ADRA1B: variants seen among roughly 807,000 people sequenced by gnomAD.
ADRA1B encodes adrenoceptor alpha 1B.
Under a neutral mutation model 17.9 loss-of-function variants are expected in ADRA1B, and 17 were observed. The ratio of observed to expected loss-of-function variants is 0.95; its 90% CI spans 0.65 to 1.42. The LOEUF is 1.42. Ranked by LOEUF, ADRA1B falls within the 40% of genes most tolerant of loss-of-function variation. The pLI is 0.00. For synonymous variants in ADRA1B, 366 were observed against 327.6 expected (o/e 1.12, Z -1.27); for missense variants, 681 against 722.1 (o/e 0.94, Z 0.65).
At chr5:159,877,731 T>C (rs964388277) in intron 1 of ADRA1B, among the ~76,000 whole-genome samples, 2 of 152,164 alleles carry the variant, frequency 1.3e-5, no homozygotes, top group South Asian at 2.1e-4. Flanking sequence ...AACCCCACTT[T>C]ATAAGTAAGG....
intron 1 of ADRA1B, among the ~76,000 whole-genome samples, chr5:159,925,609 C>T (rs991349095): frequency 6.6e-5 from 10 of 152,124 alleles, no homozygotes; most frequent in Non-Finnish European, 1.0e-4. Context: ...GAGTTGGCAT[C>T]GTGGGCGAGA....
Position 159,917,007 on chromosome 5 carries a change from C to G in ADRA1B, c.102C>G (p.Asn34Lys). Reference sequence around the variant, plus strand: ...CTGGCCCCAACCAGACCTCGAGCAACTCCACACTGCCCCAGCTGGACATCA... The same window carrying G: ...CTGGCCCCAACCAGACCTCGAGCAAGTCCACACTGCCCCAGCTGGACATCA... ...NFTGPNQTSS[N>K]STLPQLDITR... Residue 34 changes from asparagine to lysine, a missense_variant, in exon 1 of 2, where the codon AAC becomes AAG. Coordinates refer to ENST00000306675, the MANE Select transcript of ADRA1B (RefSeq NM_000679.4). 1 of 1,614,202 alleles carries G rather than the reference C, an allele frequency of 6.2e-7. No homozygotes were observed. Among genetic ancestry groups the G allele is most frequent in the Non-Finnish European group, 8.5e-7 (1 of 1,180,028 alleles).
intron 1 of ADRA1B, among the ~76,000 whole-genome samples, chr5:159,943,923 C>CACACACACACACACAA (rs1561602798): frequency 1.4e-4 from 21 of 151,394 alleles, no homozygotes; most frequent in Non-Finnish European, 8.8e-5. Context: ...CACACACACA[C>CACACACACACACACAA]ACACACACAC....
chr5:159,923,560 G>C (rs1754552302), intron 1 of ADRA1B, among the ~76,000 whole-genome samples: 1 of 152,272 alleles, frequency 6.6e-6, no homozygotes, highest in Non-Finnish European at 1.5e-5. Context: ...AGAGTGGGAA[G>C]GGGGAGCCTG....
chr5:159,883,938 A>G (rs1471364679), intron 1 of ADRA1B, among the ~76,000 whole-genome samples: 1 of 152,210 alleles, frequency 6.6e-6, no homozygotes, highest in Non-Finnish European at 1.5e-5. Context: ...ATAGGCTCAT[A>G]TATACCCTCA....
At chr5:159,915,913 G>C (rs1474870980), upstream of ADRA1B, among the ~76,000 whole-genome samples, 1 of 152,182 alleles carries the variant, frequency 6.6e-6, no homozygotes, top group Non-Finnish European at 1.5e-5. Context: ...CCAGAGCCAG[G>C]GCAGAGAGTG....
At chr5:159,962,041 A>G (rs1047002411) in intron 1 of ADRA1B, among the ~76,000 whole-genome samples, 1 of 152,190 alleles carries the variant, frequency 6.6e-6, no homozygotes, top group Admixed American at 6.5e-5. Flanking sequence ...CTATCAAAAA[A>G]TACAAAAATT....
chr5:159,940,091 G>A (rs764986913), intron 1 of ADRA1B, among the ~76,000 whole-genome samples: 7 of 152,208 alleles, frequency 4.6e-5, no homozygotes, highest in Non-Finnish European at 7.3e-5. Flanking sequence ...GAGGAACTGT[G>A]AGGGTGGAAA....
intron 1 of ADRA1B, among the ~76,000 whole-genome samples, chr5:159,952,406 T>C (rs1042881573): frequency 3.3e-5 from 5 of 152,316 alleles, no homozygotes; most frequent in Non-Finnish European, 7.3e-5. Context: ...TTGTATGTAA[T>C]ATAATATTTT....
chr5:159,929,304 T>C (rs1754738866), intron 1 of ADRA1B, among the ~76,000 whole-genome samples: 1 of 152,192 alleles, frequency 6.6e-6, no homozygotes, highest in African/African-American at 2.4e-5. Context: ...TTTCAAGATA[T>C]CTGCAACAAA....
intron 1 of ADRA1B, among the ~76,000 whole-genome samples, chr5:159,874,512 C>A (rs948089940): frequency 6.6e-6 from 1 of 150,606 alleles, no homozygotes; most frequent in African/African-American, 2.5e-5. Flanking sequence ...TCTTCCAAAT[C>A]CCTGAAGCTG....
At chr5:159,894,458 CT>C (rs1478826814) in intron 1 of ADRA1B, among the ~76,000 whole-genome samples, 1 of 117,360 alleles carries the variant, frequency 8.5e-6, no homozygotes, top group African/African-American at 4.0e-5. Context: ...ACAGTTCTGT[CT>C]CCACACATGT....
At chr5:159,888,881 C>T (rs899719608) in intron 1 of ADRA1B, among the ~76,000 whole-genome samples, 4 of 152,192 alleles carry the variant, frequency 2.6e-5, no homozygotes, top group Non-Finnish European at 4.4e-5. Context: ...ACCTGAACTT[C>T]GGCTTACATG....
intron 1 of ADRA1B, among the ~76,000 whole-genome samples, chr5:159,934,679 C>A (rs939339985): frequency 2.0e-5 from 3 of 151,934 alleles, no homozygotes; most frequent in Admixed American, 2.0e-4. Context: ...GTGGCAGGCA[C>A]CTGTAATCCC....
intron 1 of ADRA1B, among the ~76,000 whole-genome samples, chr5:159,941,070 G>A (rs992065168): frequency 4.6e-5 from 7 of 152,204 alleles, no homozygotes; most frequent in African/African-American, 1.7e-4. Flanking sequence ...TAACTTTATG[G>A]GGACCTCTTG....
upstream of ADRA1B, among the ~76,000 whole-genome samples, chr5:159,912,378 A>G (rs1754235823): frequency 6.6e-6 from 1 of 152,204 alleles, no homozygotes; most frequent in Non-Finnish European, 1.5e-5. Context: ...ACAGAAGTGC[A>G]ATTAGAATCC....
intron 1 of ADRA1B, chr5:159,865,264 T>C (rs1274611458): frequency 6.6e-6 from 1 of 152,188 alleles, no homozygotes; most frequent in Non-Finnish European, 1.5e-5. Context: ...TGGAAATGTT[T>C]GGGTGTTTTT....
chr5:159,869,539 T>A (rs891977390), intron 1 of ADRA1B: 1 of 152,228 alleles, frequency 6.6e-6, no homozygotes, highest in African/African-American at 2.4e-5. Context: ...TTCAGAACGA[T>A]CTGGAGAACT....
intron 1 of ADRA1B, among the ~76,000 whole-genome samples, chr5:159,963,404 C>G (rs1400524608): frequency 2.6e-5 from 4 of 151,890 alleles, no homozygotes; most frequent in African/African-American, 9.7e-5. Flanking sequence ...AATTCTAACT[C>G]TATTACCTAC....
Sources: allele counts gnomAD v4.1 joint callset (sites outside exome capture counted in the v4.1 genomes callset), GRCh38; gene constraint gnomAD v4.1.1; transcripts MANE v1.5; gene names NCBI Gene and HGNC (gene_info 2026-07-23, HGNC 2026-07-21).